ZKSCAN1: variants seen among roughly 807,000 people sequenced by gnomAD.
ZKSCAN1 encodes the protein zinc finger with KRAB and SCAN domains 1.
Under a neutral mutation model 51.6 loss-of-function variants are expected in ZKSCAN1, and 14 were observed. The ratio of observed to expected loss-of-function variants is 0.27; its 90% CI spans 0.18 to 0.42. ZKSCAN1 has a LOEUF of 0.42. Among genes scored for constraint, ZKSCAN1 ranks in the 10% least tolerant of loss-of-function variants. ZKSCAN1 has a pLI of 1.00. For missense variants in ZKSCAN1, 531 were observed against 710.0 expected (o/e 0.75, Z 2.86); for synonymous variants, 263 against 261.5 (o/e 1.01, Z -0.06).
At chr7:100,032,843 C>T (rs1791169308) in intron 5 of ZKSCAN1, among the ~76,000 whole-genome samples, 1 of 152,114 alleles carries the variant, frequency 6.6e-6, no homozygotes. Context: ...CCCGTCTACA[C>T]TAAAAATACA....
rs1791038481 is a variant in ZKSCAN1 at position 100,030,004 on chromosome 7, C to T, written c.672+52C>T. 4 of 1,593,014 alleles carry T rather than the reference C, an allele frequency of 2.5e-6. No individual in the cohort carries two copies. The African/African-American group carries it at 4.0e-5, about 16-fold the overall frequency. ...GAGTCCTCAGTGTCTGCCTCTGTTC[C>T]TGAGCTCTCTTCATTATCTCCACAG... On this transcript the variant is annotated intron_variant, in intron 4 of 5. Transcript: ENST00000324306.
Position 100,024,226 on chromosome 7 carries a change from T to A in ZKSCAN1, c.499T>A (p.Ser167Thr). The change falls in exon 3 of 6, where the codon TCG becomes ACG. Residue 167 changes from serine to threonine, a missense_variant. Around this residue, in one of 2 missense-constraint regions of ZKSCAN1, gnomAD observed 403 missense variants for 490.5 expected, o/e 0.82. Coordinates refer to ENST00000324306, the MANE Select transcript of ZKSCAN1 (RefSeq NM_003439.4). ...MVPLDPVQESSSFDLHHEATQ... is the reference protein window; with the variant it reads ...MVPLDPVQESTSFDLHHEATQ... ...GCCTCTGGATCCAGTTCAGGAGTCC[T>A]CGAGCTTTGACCTTCATCACGAGGC... is the stretch of plus-strand genomic sequence containing the variant. 1 of 1,614,120 alleles carries A rather than the reference T, an allele frequency of 6.2e-7. No individual in the cohort carries two copies. The highest frequency in any genetic ancestry group is 8.5e-7 in the Non-Finnish European group (1 of 1,180,024).
chr7:100,020,884 G>C (rs867244767), intron 1 of ZKSCAN1, among the ~76,000 whole-genome samples: 1 of 152,104 alleles, frequency 6.6e-6, no homozygotes, highest in African/African-American at 2.4e-5. Flanking sequence ...AGAAAGATTT[G>C]TAGCTTCAGA....
chr7:100,028,013 T>C (rs1288309939), intron 3 of ZKSCAN1, among the ~76,000 whole-genome samples: 1 of 152,150 alleles, frequency 6.6e-6, no homozygotes, highest in Admixed American at 6.6e-5. Flanking sequence ...ATTTCCTCTT[T>C]CTTATTTGTT....
chr7:100,040,676 C>T lies in ZKSCAN1; in HGVS notation c.*6479C>T. ...AGAAGGGGGAAGAGGACGGTAACGG[C>T]CCCACACTCCAGGCTGAGAAAGAGT... is the stretch of plus-strand genomic sequence containing the variant. On this transcript the variant is annotated 3_prime_UTR_variant, in exon 6 of 6. Coordinates refer to ENST00000324306, the MANE Select transcript of ZKSCAN1 (RefSeq NM_003439.4). The T allele has an allele frequency of 1.0e-5, 10 of 985,432 alleles. No homozygotes were observed. Among genetic ancestry groups the T allele is most frequent in the Non-Finnish European group, 1.2e-5 (10 of 829,948 alleles). The allele number at this position is 985,432 out of a possible 1,614,324, so 61.0% of individuals were successfully genotyped here. A position where few individuals can be genotyped will look rare whatever the true frequency, so the allele number is the denominator to read the frequency against.
At position 100,036,574 on chromosome 7, in the gene ZKSCAN1, C is replaced by G. The variant is rs1008721278; in HGVS notation, c.*2377C>G. On this transcript the variant is annotated 3_prime_UTR_variant, in exon 6 of 6. Coordinates refer to ENST00000324306, the MANE Select transcript of ZKSCAN1 (RefSeq NM_003439.4). ...CTCTACTAAAATTATAAAAATTAGC[C>G]GGGCATGATGGTGGGCACCTGTAAT... is the stretch of plus-strand genomic sequence containing the variant. 1.3e-6 allele frequency: 1 copy of G among 747,768 alleles called. No individual in the cohort carries two copies. Among genetic ancestry groups the G allele is most frequent in the Non-Finnish European group, 1.6e-6 (1 of 613,488 alleles). 46.3% of individuals were successfully genotyped at this position (747,768 alleles called of 1,614,324 possible). A position where few individuals can be genotyped will look rare whatever the true frequency, so the allele number is the denominator to read the frequency against.
In ZKSCAN1 at chr7:100,033,289, CTATT is replaced by C; in HGVS notation, c.800-11_800-8del. The C allele has an allele frequency of 6.3e-7, 1 of 1,575,226 alleles. No individual in the cohort carries two copies. Among genetic ancestry groups the C allele is most frequent in the Non-Finnish European group, 8.6e-7 (1 of 1,166,136 alleles). On this transcript the variant is annotated splice_polypyrimidine_tract_variant and intron_variant, in intron 5 of 5. Coordinates refer to ENST00000324306, the MANE Select transcript of ZKSCAN1 (RefSeq NM_003439.4). This position sits in a 1 kb window ranked among gnomAD's most constrained non-coding sequence, Gnocchi z 4.1. ...AAGAAAAAGGTGCGATTTGAATTTT[CTATT>C]TATTATGTCAGGTGGTGAAAACAGG...
At position 100,018,838 on chromosome 7, in the gene ZKSCAN1, CAG is replaced by C. The variant is rs1186081500; in HGVS notation, c.-89+3118_-89+3119del. Among the ~76,000 whole-genome samples the C allele has an allele frequency of 3.3e-5, 5 of 152,318 alleles. No homozygotes were observed. The East Asian group carries it at 9.6e-4, about 29-fold the overall frequency. ...TTTTCCCTGCACCCCAGAGTAGGAG[CAG>C]AGAGATACTGAAGGTGAGGAGGAGG... On this transcript the variant is annotated intron_variant, in intron 1 of 5. Coordinates refer to ENST00000324306, the MANE Select transcript of ZKSCAN1 (RefSeq NM_003439.4).
At chr7:100,030,505 T>A (rs562646323) in intron 5 of ZKSCAN1, 130 bp downstream of exon 5, 42 of 1,134,288 alleles carry the variant, frequency 3.7e-5, no homozygotes, top group Non-Finnish European at 5.1e-5. Flanking sequence ...GTAGACCAGA[T>A]GGAAAGTGAG....
rs532609302 is a variant in ZKSCAN1 at position 100,024,401 on chromosome 7, C to T, written c.580+94C>T. 3.5e-4 allele frequency: 516 copies of T among 1,474,354 alleles called. 2 individuals carry two copies. Among genetic ancestry groups the T allele is most frequent in the South Asian group, 3.1e-3 (241 of 77,622 alleles). 91.3% of individuals were successfully genotyped at this position (1,474,354 alleles called of 1,614,324 possible). A position where few individuals can be genotyped will look rare whatever the true frequency, so the allele number is the denominator to read the frequency against. ...CCTGTGATGAAGAAGCATGTTAGTCCTGGGCAACGTAGCGAGACCCCATCT... is the reference window on the plus strand; with the variant it reads ...CCTGTGATGAAGAAGCATGTTAGTCTTGGGCAACGTAGCGAGACCCCATCT... On this transcript the variant is annotated intron_variant, in intron 3 of 5. Coordinates refer to ENST00000324306, the MANE Select transcript of ZKSCAN1 (RefSeq NM_003439.4).
chr7:100,036,727 A>T lies in ZKSCAN1; in HGVS notation c.*2530A>T, dbSNP rs1791376476. The stretch of plus-strand genomic sequence containing the variant: ...CAAAACTCCATCTCAAAAAAAAAAA[A>T]AAGAAAGAAAGAAACTGAAAAGTGA... On this transcript the variant is annotated 3_prime_UTR_variant, in exon 6 of 6. Coordinates refer to ENST00000324306, the MANE Select transcript of ZKSCAN1 (RefSeq NM_003439.4). The T allele has an allele frequency of 1.4e-5, 14 of 982,906 alleles. No homozygotes were observed. In the South Asian group the frequency reaches 6.6e-4, roughly 46 times the overall value. 60.9% of individuals were successfully genotyped at this position (982,906 alleles called of 1,614,324 possible).
In ZKSCAN1 at chr7:100,035,923, G is replaced by A. The variant is rs1412608570; in HGVS notation, c.*1726G>A. On this transcript the variant is annotated 3_prime_UTR_variant, in exon 6 of 6. Transcript: ENST00000324306. ...TCCTACCCAAGGCTAGGACCGCCCTGCGGAAACAGAAACATAGACTGAGAA... is the reference window on the plus strand; with the variant it reads ...TCCTACCCAAGGCTAGGACCGCCCTACGGAAACAGAAACATAGACTGAGAA... 5 of 985,356 alleles carry A rather than the reference G, an allele frequency of 5.1e-6. No homozygotes were observed. In the African/African-American group the frequency reaches 7.0e-5, roughly 14 times the overall value. 61.0% of individuals were successfully genotyped at this position (985,356 alleles called of 1,614,324 possible).
Position 100,041,078 on chromosome 7 carries a change from C to G in ZKSCAN1, c.*6881C>G. On this transcript the variant is annotated 3_prime_UTR_variant, in exon 6 of 6. Transcript: ENST00000324306. ...AATACAGATTTTACAACGAGGTCAGCATAAGCCTAAATCTATATAGAGGGC... is the reference window on the plus strand; with the variant it reads ...AATACAGATTTTACAACGAGGTCAGGATAAGCCTAAATCTATATAGAGGGC... The G allele has an allele frequency of 1.1e-6, 1 of 950,780 alleles. No homozygotes were observed. Among genetic ancestry groups the G allele is most frequent in the Non-Finnish European group, 1.3e-6 (1 of 798,376 alleles). 58.9% of individuals were successfully genotyped at this position (950,780 alleles called of 1,614,324 possible).
At chr7:100,021,116 C>CTTTTTTTTTTTTT (rs60632908) in intron 1 of ZKSCAN1, among the ~76,000 whole-genome samples, 4 of 85,292 alleles carry the variant, frequency 4.7e-5, no homozygotes, top group Non-Finnish European at 6.5e-5. Context: ...TTTTTTTTTC[C>CTTTTTTTTTTTTT]TTTTTTTTTT....
downstream of ZKSCAN1, among the ~76,000 whole-genome samples, chr7:100,043,901 C>T (rs895316718): frequency 6.7e-6 from 1 of 150,186 alleles, no homozygotes. Context: ...CTCAGCCTCC[C>T]GAGTAGCTGG....
chr7:100,044,680 CAAAAAAAAAAAAAA>C (rs59706759), downstream of ZKSCAN1: 6,220 of 410,248 alleles, frequency 0.015, 4 homozygotes, highest in Non-Finnish European at 0.017. Context: ...GACTCTATCT[CAAAAAAAAAAAAAA>C]AAAAAAAAAA....
chr7:100,023,877 G>A lies in ZKSCAN1; in HGVS notation c.371G>A (p.Gly124Glu), dbSNP rs776230879. 1 of 1,612,538 alleles carries A rather than the reference G, an allele frequency of 6.2e-7. No individual in the cohort carries two copies. The highest frequency in any genetic ancestry group is 1.7e-5 in the Admixed American group (1 of 59,814). Residue 124 changes from glycine to glutamate, a missense_variant, in exon 2 of 6, where the codon GGA becomes GAA. Gly to Glu is a moderately conservative substitution (Grantham distance 98). Transcript: ENST00000324306. ...CTGCAGGAATACCGCCCCGATAGTG[G>A]AGAGGAGGCCGTGACCCTTCTAGAA... ...VWLQEYRPDS[G>E]EEAVTLLEDL... is the part of the protein sequence containing the mutation.
At chr7:100,022,753 C>T (rs1790642805) in intron 1 of ZKSCAN1, among the ~76,000 whole-genome samples, 1 of 152,134 alleles carries the variant, frequency 6.6e-6, no homozygotes, top group South Asian at 2.1e-4. Flanking sequence ...GGCCGACCTG[C>T]TAGGGCTGTT....
rs1052152163 is a variant in ZKSCAN1, at chr7:100,037,584, G to A, written c.*3387G>A. 4.7e-5 allele frequency: 46 copies of A among 985,294 alleles called. No homozygotes were observed. The highest frequency in any genetic ancestry group is 4.9e-5 in the Non-Finnish European group (41 of 829,938). The allele number at this position is 985,294 out of a possible 1,614,324, so 61.0% of individuals were successfully genotyped here. ...TAATCACATCTCAGCCCTTAGCATCGGAAAGCTTATACTGTAAATAAACTT... is the reference window on the plus strand; with the variant it reads ...TAATCACATCTCAGCCCTTAGCATCAGAAAGCTTATACTGTAAATAAACTT... On this transcript the variant is annotated 3_prime_UTR_variant, in exon 6 of 6. Coordinates refer to ENST00000324306, the MANE Select transcript of ZKSCAN1 (RefSeq NM_003439.4).
Sources: allele counts gnomAD v4.1 joint callset (sites outside exome capture counted in the v4.1 genomes callset), GRCh38; gene constraint gnomAD v4.1.1; regional missense constraint gnomAD v4.1.1; non-coding constraint Gnocchi (gnomAD v3.1); transcripts MANE v1.5; gene names NCBI Gene and HGNC (gene_info 2026-07-23, HGNC 2026-07-21).